The following FAAH2 variants were observed in gnomAD, a reference collection of about 807,000 sequenced individuals.
FAAH2 encodes fatty-acid amide hydrolase 2.
In FAAH2, 60 loss-of-function variants were observed where a neutral mutation model predicts 36.9. The observed-to-expected ratio is 1.63, with a 90% CI of 1.32 to 2.02. FAAH2 has a LOEUF of 2.02. Among genes scored for constraint, FAAH2 ranks in the 30% most tolerant of loss-of-function variants. The probability of loss-of-function intolerance (pLI) is 0.00; values close to 1 mark genes in which losing one functional copy is unlikely to be tolerated. For missense variants in FAAH2, 689 were observed against 397.5 expected, an observed-to-expected ratio of 1.73 and a Z score of -6.23; for synonymous variants, 214 against 143.8, an observed-to-expected ratio of 1.49 and a Z score of -3.49.
intron 3 of FAAH2, among the ~76,000 whole-genome samples, chrX:57,331,188 C>T (rs1162641218): frequency 8.9e-6 from 1 of 111,851 alleles, no homozygotes; most frequent in Non-Finnish European, 1.9e-5. Flanking sequence ...TCTGCCCCTA[C>T]CACTTCTCTG....
At chrX:57,407,802 G>A (rs1230577801) in intron 7 of FAAH2, among the ~76,000 whole-genome samples, 3 of 111,751 alleles carry the variant, frequency 2.7e-5, no homozygotes, top group Admixed American at 9.5e-5. Flanking sequence ...TTAAATCTTC[G>A]ATCCATTTTG....
the FAAH2 span, among the ~76,000 whole-genome samples, chrX:57,133,241 C>T: frequency 3.6e-5 from 4 of 112,497 alleles, no homozygotes; most frequent in Non-Finnish European, 7.5e-5. Flanking sequence ...TAAAATGAAA[C>T]CTCCATGAGG....
intron 8 of FAAH2, among the ~76,000 whole-genome samples, chrX:57,442,394 G>T (rs1474608304): frequency 4.5e-5 from 5 of 111,241 alleles, no homozygotes; most frequent in Non-Finnish European, 7.5e-5. Context: ...GATCTTTGTT[G>T]GTTTAAAGTC....
chrX:57,264,971 A>G, the FAAH2 span, among the ~76,000 whole-genome samples: 1 of 111,940 alleles, frequency 8.9e-6, no homozygotes, highest in Admixed American at 9.4e-5. Flanking sequence ...ATCCATGGAG[A>G]ACAGAGAAAA....
the FAAH2 span, among the ~76,000 whole-genome samples, chrX:57,268,288 G>A: frequency 1.8e-5 from 2 of 111,136 alleles, no homozygotes; most frequent in Non-Finnish European, 1.9e-5. Flanking sequence ...AAGGCAGGCA[G>A]ACAAGAATAG....
intron 3 of FAAH2, among the ~76,000 whole-genome samples, chrX:57,324,415 A>G (rs1350930867): frequency 4.5e-5 from 5 of 111,900 alleles, no homozygotes; most frequent in South Asian, 7.5e-4. Flanking sequence ...CATTGAATCT[A>G]TAAATTACCT....
the FAAH2 span, among the ~76,000 whole-genome samples, chrX:57,139,730 A>G: frequency 1.7e-3 from 195 of 111,964 alleles, 2 homozygotes; most frequent in African/African-American, 6.1e-3. Context: ...CTGGGATTAC[A>G]AGTGTGAGCC....
the FAAH2 span, among the ~76,000 whole-genome samples, chrX:57,226,044 G>A: frequency 1.8e-5 from 2 of 111,901 alleles, no homozygotes; most frequent in African/African-American, 3.2e-5. Context: ...TGTGTTAGGT[G>A]AGTCTCCTGA....
At chrX:57,244,187 G>A in the FAAH2 span, among the ~76,000 whole-genome samples, 8 of 109,041 alleles carry the variant, frequency 7.3e-5, no homozygotes, top group Non-Finnish European at 1.3e-4. Context: ...GTGAAGACAA[G>A]ATTAGAGAAA....
At chrX:57,412,016 G>A (rs1290248464) in intron 7 of FAAH2, among the ~76,000 whole-genome samples, 1 of 111,713 alleles carries the variant, frequency 9.0e-6, no homozygotes, top group Admixed American at 9.5e-5. Flanking sequence ...TGGGGTACAT[G>A]TAATATTTCG....
chrX:57,392,636 G>T, intron 7 of FAAH2: 1 of 710,386 alleles, frequency 1.4e-6, no homozygotes, highest in South Asian at 2.1e-5. Context: ...GATGGATGAT[G>T]ATCTGTTTAG....
intron 7 of FAAH2, among the ~76,000 whole-genome samples, chrX:57,385,727 A>G (rs749372391): frequency 5.2e-4 from 58 of 111,527 alleles, no homozygotes; most frequent in Admixed American, 1.7e-3. Flanking sequence ...AACACGGTGA[A>G]ATCCCGTCTC....
chrX:57,138,773 T>A, the FAAH2 span, among the ~76,000 whole-genome samples: 1 of 111,983 alleles, frequency 8.9e-6, no homozygotes, highest in Non-Finnish European at 1.9e-5. Context: ...GGTAAGATGA[T>A]ATCTCATTGC....
At chrX:57,429,022 G>T (rs1045874419) in intron 7 of FAAH2, among the ~76,000 whole-genome samples, 1 of 111,524 alleles carries the variant, frequency 9.0e-6, no homozygotes, top group Non-Finnish European at 1.9e-5. Context: ...AAAGAACTCA[G>T]ACATCTCAAC....
the FAAH2 span, among the ~76,000 whole-genome samples, chrX:57,234,017 T>A: frequency 8.8e-6 from 1 of 112,997 alleles, no homozygotes; most frequent in Non-Finnish European, 1.9e-5. Flanking sequence ...ATACAAAACA[T>A]GCATTTAAAT....
At chrX:57,300,885 G>A (rs2052339116) in intron 2 of FAAH2, among the ~76,000 whole-genome samples, 1 of 112,319 alleles carries the variant, frequency 8.9e-6, no homozygotes, top group East Asian at 2.8e-4. Flanking sequence ...GGCCATCAGA[G>A]AAATGCAAAT....
the FAAH2 span, among the ~76,000 whole-genome samples, chrX:57,133,444 C>T: frequency 7.2e-5 from 8 of 111,648 alleles, no homozygotes; most frequent in African/African-American, 2.3e-4. Flanking sequence ...GTTACAAGTG[C>T]AAACGCTTCC....
intron 2 of FAAH2, among the ~76,000 whole-genome samples, chrX:57,298,967 C>A (rs1463079041): frequency 9.9e-5 from 11 of 111,214 alleles, no homozygotes; most frequent in African/African-American, 3.3e-4. Context: ...AATTAATAGC[C>A]TACCAACCAA....
At chrX:57,398,875 C>A (rs2055365762) in intron 7 of FAAH2, among the ~76,000 whole-genome samples, 1 of 111,526 alleles carries the variant, frequency 9.0e-6, no homozygotes, top group Admixed American at 9.5e-5. Flanking sequence ...CCAGCTAGTC[C>A]TGTCTCTCAG....
Sources: gnomAD v4.1 joint callset for allele counts (sites outside exome capture counted in the v4.1 genomes callset) on GRCh38, gnomAD v4.1.1 for gene constraint, MANE v1.5 for transcripts, NCBI Gene and HGNC (gene_info 2026-07-23, HGNC 2026-07-21) for gene names.